ORC1: variants seen among roughly 807,000 people sequenced by gnomAD.
ORC1 encodes origin recognition complex, subunit 1 homolog.
ORC1 carries 61 observed loss-of-function variants against 98.9 expected under a neutral mutation model. The observed-to-expected ratio is 0.62, with a 90% confidence interval of 0.50 to 0.76. The LOEUF (loss-of-function observed/expected upper bound fraction) is 0.76. Among genes scored for constraint, ORC1 ranks in the 30% least tolerant of loss-of-function variants. The pLI is 0.00. For missense variants in ORC1, 979 were observed against 1,072.2 expected (o/e 0.91, Z 1.21); for synonymous variants, 385 against 406.9 (o/e 0.95, Z 0.65).
chr1:52,400,678 T>C (rs1251616955), intron 3 of ORC1, among the ~76,000 whole-genome samples: 1 of 152,216 alleles, frequency 6.6e-6, no homozygotes, highest in East Asian at 1.9e-4. Context: ...CTCCCACATT[T>C]CTGTGCTCTC....
At chr1:52,405,168 C>T (rs1647941746), upstream of ORC1, among the ~76,000 whole-genome samples, 2 of 152,094 alleles carry the variant, frequency 1.3e-5, no homozygotes, top group Admixed American at 1.3e-4. Flanking sequence ...CTCAGGGATC[C>T]GGATATAACA....
At chr1:52,400,049 T>TC (rs758951443) in intron 3 of ORC1, among the ~76,000 whole-genome samples, 11 of 152,204 alleles carry the variant, frequency 7.2e-5, no homozygotes, top group Non-Finnish European at 1.5e-4. Context: ...AAGAGAGGAT[T>TC]CTAGAATCTA....
chr1:52,379,132 T>C (rs1198712736), intron 14 of ORC1, among the ~76,000 whole-genome samples: 1 of 151,992 alleles, frequency 6.6e-6, no homozygotes, highest in Admixed American at 6.6e-5. Context: ...CCTAAACCTA[T>C]ATTGAGGAAT....
upstream of ORC1, chr1:52,408,775 CA>C: frequency 6.8e-7 from 1 of 1,462,594 alleles, no homozygotes; most frequent in Non-Finnish European, 9.4e-7. Context: ...TTGTCATAGA[CA>C]GTGTGAATGC....
chr1:52,391,681 T>C (rs766054099), intron 6 of ORC1, among the ~76,000 whole-genome samples: 1 of 152,026 alleles, frequency 6.6e-6, no homozygotes, highest in African/African-American at 2.4e-5. Context: ...GGTGGATCAC[T>C]TGAGATCAGG....
chr1:52,394,551 T>C (rs1244654800), intron 5 of ORC1, among the ~76,000 whole-genome samples: 3 of 151,704 alleles, frequency 2.0e-5, no homozygotes, highest in African/African-American at 4.8e-5. Context: ...TTTTGAGACA[T>C]ACCTTGAAAG....
At chr1:52,383,798 T>C (rs1647105131) in intron 12 of ORC1, 32 bp downstream of exon 12, 1 of 1,568,584 alleles carries the variant, frequency 6.4e-7, no homozygotes, top group African/African-American at 1.4e-5. Flanking sequence ...TACAGCCCTG[T>C]TTCTTCTCCT....
Position 52,392,417 on chromosome 1 carries a change from C to T in ORC1, c.1082+1026G>A, listed in dbSNP as rs144581119. 8.4e-3 allele frequency among the ~76,000 whole-genome samples: 1,279 copies of T among 151,982 alleles called. 18 individuals are homozygous for T. Among genetic ancestry groups the T allele is most frequent in the African/African-American group, 0.029 (1,220 of 41,452 alleles). ...TGCTAGGATTACAGGAGTGAGCCAC[C>T]GCGCCCAGCCAGAAAAGGGAACACT... On this transcript the variant is annotated intron_variant, in intron 6 of 16. Coordinates refer to ENST00000371568, the MANE Select transcript of ORC1 (RefSeq NM_004153.4).
intron 6 of ORC1, among the ~76,000 whole-genome samples, chr1:52,389,635 G>T (rs1647185083): frequency 6.6e-6 from 1 of 152,140 alleles, no homozygotes; most frequent in African/African-American, 2.4e-5. Flanking sequence ...TCTGATGCAT[G>T]CATGAATTTA....
intron 4 of ORC1, 92 bp from the exon 5 acceptor site, chr1:52,396,456 T>C: frequency 6.7e-7 from 1 of 1,487,558 alleles, no homozygotes. Flanking sequence ...AACATTGAAG[T>C]CCACATCTGT....
At chr1:52,397,930 A>G (rs1647494995) in intron 3 of ORC1, 67 bp from the exon 4 acceptor site, 1 of 1,401,952 alleles carries the variant, frequency 7.1e-7, no homozygotes, top group South Asian at 1.2e-5. Context: ...AGCAATTCCT[A>G]TGTGCCAGAC....
chr1:52,404,022 C>T (rs1051004500), intron 1 of ORC1, among the ~76,000 whole-genome samples: 3 of 152,200 alleles, frequency 2.0e-5, no homozygotes, highest in Non-Finnish European at 4.4e-5. Context: ...CGCCTTCCCC[C>T]CTGCAAACTC....
At chr1:52,378,661 C>CA (rs1368144763) in intron 14 of ORC1, among the ~76,000 whole-genome samples, 1 of 150,962 alleles carries the variant, frequency 6.6e-6, no homozygotes, top group Non-Finnish European at 1.5e-5. Context: ...AAGACTGTCT[C>CA]AAAAAACAAT....
intron 6 of ORC1, among the ~76,000 whole-genome samples, chr1:52,392,119 G>A (rs1647223732): frequency 6.6e-6 from 1 of 151,712 alleles, no homozygotes; most frequent in Non-Finnish European, 1.5e-5. Flanking sequence ...GTGTGGATGT[G>A]GTGAAAAGGG....
intron 6 of ORC1, among the ~76,000 whole-genome samples, chr1:52,390,712 G>A (rs1047334330): frequency 5.3e-5 from 8 of 152,036 alleles, no homozygotes; most frequent in Non-Finnish European, 7.4e-5. Context: ...CCAACACAGT[G>A]AAACCCTGTC....
At chr1:52,395,963 C>A in intron 5 of ORC1, 83 bp downstream of exon 5, 1 of 1,584,036 alleles carries the variant, frequency 6.3e-7, no homozygotes, top group South Asian at 1.1e-5. Context: ...ATCACTAACT[C>A]AATACTTTCC....
At chr1:52,379,913 C>G (rs1349308607) in intron 14 of ORC1, among the ~76,000 whole-genome samples, 1 of 151,956 alleles carries the variant, frequency 6.6e-6, no homozygotes, top group African/African-American at 2.4e-5. Flanking sequence ...AGCCTGGCGA[C>G]AGAGTGAGAC....
At position 52,397,735 on chromosome 1, in the gene ORC1, G is replaced by C. The variant is rs763646880; in HGVS notation, c.352C>G (p.Pro118Ala). Residue 118 changes from proline (P) to alanine (A), a missense_variant, in exon 4 of 17, where the codon CCG (proline) becomes GCG (alanine). Physicochemically the swap from Pro to Ala is conservative, Grantham distance 27. Coordinates refer to ENST00000371568, the MANE Select transcript of ORC1 (RefSeq NM_004153.4). Reference protein sequence around the residue: ...GAQEIFWYDYPACDSNINAET... With the variant: ...GAQEIFWYDYAACDSNINAET... ...GCATTAATGTTGCTGTCACAGGCCG[G>C]GTAATCATACCAGAATATTTCCTGT... The C allele has an allele frequency of 6.2e-6, 10 of 1,614,188 alleles. 1 individual carries two copies. Among genetic ancestry groups the C allele is most frequent in the Middle Eastern group, 1.6e-4 (1 of 6,062 alleles).
intron 14 of ORC1, among the ~76,000 whole-genome samples, chr1:52,379,214 A>AG (rs369940404): frequency 6.6e-6 from 1 of 151,366 alleles, no homozygotes; most frequent in African/African-American, 2.4e-5. Context: ...AAAGAGGTAA[A>AG]GGGGGGTTGT....
Sources: gnomAD v4.1 joint callset for allele counts (sites outside exome capture counted in the v4.1 genomes callset) on GRCh38, gnomAD v4.1.1 for gene constraint, MANE v1.5 for transcripts, NCBI Gene and HGNC (gene_info 2026-07-23, HGNC 2026-07-21) for gene names.